Variants in WWOX observed in about 807,000 individuals in gnomAD.
WWOX encodes WW domain containing oxidoreductase.
In WWOX, 69 loss-of-function variants were observed where a neutral mutation model predicts 46.2. The observed-to-expected ratio is 1.49, with a 90% CI of 1.23 to 1.82. WWOX has a LOEUF of 1.82. Ranked by LOEUF, WWOX falls within the 40% of genes most tolerant of loss-of-function variation. WWOX has a pLI of 0.00. For synonymous variants in WWOX, 359 were observed against 202.6 expected (o/e 1.77, Z -6.56); for missense variants, 919 against 542.6 (o/e 1.69, Z -6.89).
At chr16:78,568,089 G>A (rs1376297241) in intron 8 of WWOX, among the ~76,000 whole-genome samples, 2 of 152,150 alleles carry the variant, frequency 1.3e-5, no homozygotes, top group Non-Finnish European at 2.9e-5. Context: ...GCAGAAGAAC[G>A]CCGTCGTAAA....
chr16:78,798,768 T>G (rs1428822428), intron 8 of WWOX, among the ~76,000 whole-genome samples: 1 of 152,202 alleles, frequency 6.6e-6, no homozygotes, highest in African/African-American at 2.4e-5. Context: ...TTTCTACTAT[T>G]AACATAAAGT....
At chr16:78,235,531 G>A (rs1295778214) in intron 5 of WWOX, among the ~76,000 whole-genome samples, 2 of 152,300 alleles carry the variant, frequency 1.3e-5, no homozygotes, top group South Asian at 4.1e-4. Flanking sequence ...AGAGGCCCCT[G>A]ACCTTGTCTC....
intron 8 of WWOX, among the ~76,000 whole-genome samples, chr16:79,197,774 G>C (rs1387885868): frequency 6.6e-6 from 1 of 152,132 alleles, no homozygotes; most frequent in East Asian, 1.9e-4. Flanking sequence ...CAAAGGGCAA[G>C]GTTCATCCCA....
intron 8 of WWOX, among the ~76,000 whole-genome samples, chr16:78,698,122 C>T (rs1313680533): frequency 6.6e-6 from 1 of 152,182 alleles, no homozygotes; most frequent in Non-Finnish European, 1.5e-5. Context: ...TCATTGGCAT[C>T]TTGAGGTTTC....
At chr16:78,759,579 C>G (rs1217252203) in intron 8 of WWOX, among the ~76,000 whole-genome samples, 1 of 152,082 alleles carries the variant, frequency 6.6e-6, no homozygotes, top group Non-Finnish European at 1.5e-5. Context: ...TAAACTAACC[C>G]TCTAAAGAAT....
At chr16:78,456,902 G>A (rs2083832150) in intron 8 of WWOX, among the ~76,000 whole-genome samples, 1 of 152,228 alleles carries the variant, frequency 6.6e-6, no homozygotes, top group Admixed American at 6.5e-5. Context: ...TAGTTCACGT[G>A]GCGTTGGCTG....
At chr16:78,827,368 C>T (rs940289343) in intron 8 of WWOX, among the ~76,000 whole-genome samples, 5 of 151,970 alleles carry the variant, frequency 3.3e-5, no homozygotes, top group Non-Finnish European at 5.9e-5. Flanking sequence ...AGGTAAGGCT[C>T]GGTGTCATCA....
intron 5 of WWOX, among the ~76,000 whole-genome samples, chr16:78,290,632 T>G (rs1182275774): frequency 1.3e-5 from 2 of 152,110 alleles, no homozygotes; most frequent in African/African-American, 2.4e-5. Context: ...GTAATGTAAC[T>G]TGCCGTGTCG....
At chr16:78,125,367 G>T (rs1205434320) in intron 4 of WWOX, among the ~76,000 whole-genome samples, 1 of 152,124 alleles carries the variant, frequency 6.6e-6, no homozygotes, top group Non-Finnish European at 1.5e-5. Flanking sequence ...CCACCATCCT[G>T]TTGGGAGGAA....
chr16:78,622,031 C>G (rs886574736), intron 8 of WWOX, among the ~76,000 whole-genome samples: 4 of 152,174 alleles, frequency 2.6e-5, no homozygotes, highest in African/African-American at 9.7e-5. Flanking sequence ...AAAGTTTTGG[C>G]TACCCAGTTG....
intron 8 of WWOX, among the ~76,000 whole-genome samples, chr16:78,872,303 G>T (rs949772860): frequency 2.6e-5 from 4 of 152,130 alleles, no homozygotes; most frequent in Non-Finnish European, 5.9e-5. Context: ...AAGAAAGATG[G>T]GCATAAGGAA....
At chr16:78,510,754 T>C (rs1276784369) in intron 8 of WWOX, among the ~76,000 whole-genome samples, 1 of 152,362 alleles carries the variant, frequency 6.6e-6, no homozygotes, top group South Asian at 2.1e-4. Flanking sequence ...CATATGTGTG[T>C]ATATTCACAC....
At chr16:78,943,953 G>T (rs1040692834) in intron 8 of WWOX, among the ~76,000 whole-genome samples, 1 of 152,180 alleles carries the variant, frequency 6.6e-6, no homozygotes, top group African/African-American at 2.4e-5. Context: ...GTTTTCTGTT[G>T]TCAGAAGAGT....
chr16:78,901,853 G>A (rs1346979264), intron 8 of WWOX, among the ~76,000 whole-genome samples: 1 of 152,202 alleles, frequency 6.6e-6, no homozygotes, highest in Non-Finnish European at 1.5e-5. Context: ...ATAGAGGAGG[G>A]ATGACGTGAA....
chr16:78,663,181 C>CA lies in WWOX; in HGVS notation c.1056+230431dup, dbSNP rs1302368462. Among the ~76,000 whole-genome samples, 6 of 152,322 alleles carry CA rather than the reference C, an allele frequency of 3.9e-5. No homozygotes were observed. The East Asian group carries it at 1.2e-3, about 29-fold the overall frequency. On this transcript the variant is annotated intron_variant, in intron 8 of 8. Coordinates refer to ENST00000566780, the MANE Select transcript of WWOX (RefSeq NM_016373.4). ...CTATTTTATACCCCCGATCTCTTGA[C>CA]AACTACTCATTGACTTTGTTTCTAT...
intron 8 of WWOX, among the ~76,000 whole-genome samples, chr16:79,073,275 G>C (rs1044753426): frequency 2.6e-5 from 4 of 151,784 alleles, no homozygotes; most frequent in Admixed American, 2.0e-4. Context: ...CACCTCTTGG[G>C]TTCAAGTGGT....
intron 8 of WWOX, among the ~76,000 whole-genome samples, chr16:78,504,028 T>G (rs2085133668): frequency 6.6e-6 from 1 of 152,224 alleles, no homozygotes; most frequent in South Asian, 2.1e-4. Flanking sequence ...AAATACATCT[T>G]AAAGATGTCA....
At chr16:78,620,376 C>T (rs200468146) in intron 8 of WWOX, among the ~76,000 whole-genome samples, 1 of 152,180 alleles carries the variant, frequency 6.6e-6, no homozygotes, top group Non-Finnish European at 1.5e-5. Context: ...TGACAAGTTT[C>T]CTCCAACAGA....
intron 7 of WWOX, among the ~76,000 whole-genome samples, chr16:78,425,813 G>A (rs896383135): frequency 6.6e-6 from 1 of 151,960 alleles, no homozygotes; most frequent in African/African-American, 2.4e-5. Context: ...TTGGCGGGGG[G>A]AACTTACACT....
Sources: gnomAD v4.1 joint callset for allele counts (sites outside exome capture counted in the v4.1 genomes callset) on GRCh38, gnomAD v4.1.1 for gene constraint, MANE v1.5 for transcripts, NCBI Gene and HGNC (gene_info 2026-07-23, HGNC 2026-07-21) for gene names.